The following MROH2B variants were observed in gnomAD, a reference collection of about 807,000 sequenced individuals.
The protein encoded by MROH2B is maestro heat like repeat family member 2B.
In MROH2B, 177 loss-of-function variants were observed where a neutral mutation model predicts 208.6. That is an observed-to-expected ratio of 0.85 (90% CI 0.75 to 0.96). The LOEUF (loss-of-function observed/expected upper bound fraction) is 0.96. Among genes scored for constraint, MROH2B ranks in the 40% least tolerant of loss-of-function variants. MROH2B has a pLI of 0.00. For synonymous variants in MROH2B, 728 were observed against 659.0 expected (o/e 1.10, Z -1.60); for missense variants, 2,002 against 1,878.7 (o/e 1.07, Z -1.21).
chr5:41,019,916 T>C (rs13154853), intron 24 of MROH2B, among the ~76,000 whole-genome samples: 105,566 of 152,046 alleles, frequency 0.69, 37,121 homozygotes, highest in Non-Finnish European at 0.73. Context: ...AAAACACTGA[T>C]GGTTATATAA....
At chr5:41,045,925 T>C in intron 17 of MROH2B, 72 bp from the exon 18 acceptor site, 9 of 1,090,730 alleles carry the variant, frequency 8.3e-6, no homozygotes, top group Non-Finnish European at 1.2e-5. Context: ...TTTTGGTTAT[T>C]TTATCTTTTA....
chr5:41,018,361 CT>C lies in MROH2B; in HGVS notation c.2742del (p.Val915CysfsTer2), dbSNP rs1357585817. The C allele has an allele frequency of 6.2e-7, 1 of 1,613,094 alleles. No homozygotes were observed. The highest frequency in any genetic ancestry group is 8.5e-7 in the Non-Finnish European group (1 of 1,179,640). ...ERERAFQITA[K>X]VLTNDIEAPE... is the part of the protein sequence containing the mutation. The stretch of plus-strand genomic sequence containing the variant: ...CTTACCTCAATATCATTTGTCAGCA[CT>C]TTCGCAGTGATCTGGAAGGCTCTTT... On this transcript the variant is annotated frameshift_variant, in exon 27 of 42. Transcript: ENST00000399564. LOFTEE classifies it high-confidence loss of function.
intron 24 of MROH2B, among the ~76,000 whole-genome samples, chr5:41,023,158 G>A (rs1443502040): frequency 2.0e-5 from 3 of 152,192 alleles, no homozygotes; most frequent in Non-Finnish European, 2.9e-5. Flanking sequence ...AAGGAAAGCA[G>A]CTCCTCACAA....
At chr5:41,004,279 G>A in intron 37 of MROH2B, 67 bp downstream of exon 37, 2 of 1,534,490 alleles carry the variant, frequency 1.3e-6, no homozygotes, top group Non-Finnish European at 1.8e-6. Flanking sequence ...TCTTCTGTGA[G>A]CACTACCTAA....
chr5:41,021,820 A>G (rs1031360472), intron 24 of MROH2B, among the ~76,000 whole-genome samples: 5 of 152,102 alleles, frequency 3.3e-5, no homozygotes, highest in Non-Finnish European at 2.9e-5. Context: ...AAGGTGCAGT[A>G]AGCCGAGATT....
intron 28 of MROH2B, among the ~76,000 whole-genome samples, chr5:41,017,214 A>G (rs1741984733): frequency 6.6e-6 from 1 of 152,172 alleles, no homozygotes. Context: ...ATTAACCTGG[A>G]CAGGGAGCCC....
chr5:41,067,476 C>A lies in MROH2B; in HGVS notation c.91-258G>T, dbSNP rs770264122. ...CTGCCTCCTGGGTTCAACTGATTCT[C>A]CTGCCTCAGCCTCCCGAGTAGCCAG... On this transcript the variant is annotated intron_variant, in intron 2 of 41. Coordinates refer to ENST00000399564, the MANE Select transcript of MROH2B (RefSeq NM_173489.5). Among the ~76,000 whole-genome samples, 13 of 152,086 alleles carry A rather than the reference C, an allele frequency of 8.5e-5. 1 individual carries two copies. The highest frequency in any genetic ancestry group is 8.3e-4 in the South Asian group (4 of 4,832).
intron 2 of MROH2B, among the ~76,000 whole-genome samples, chr5:41,069,025 A>AT (rs373637256): frequency 0.037 from 5,607 of 151,350 alleles, 347 homozygotes; most frequent in African/African-American, 0.13. Flanking sequence ...GATTAGGAAC[A>AT]TTTTTTTTTG....
chr5:41,038,628 A>T, intron 21 of MROH2B, 108 bp downstream of exon 21: 1 of 1,123,118 alleles, frequency 8.9e-7, no homozygotes, highest in East Asian at 2.6e-5. Flanking sequence ...CGTGGCTGAT[A>T]AAAACATACC....
In MROH2B at chr5:41,000,675, T is replaced by TAAA. The variant is rs1741367554; in HGVS notation, c.4350+2_4350+3insTTT. ...GGTGCAGGTGTCTGTGGAGAGCACT[T>TAAA]ACAACTCCAATCTTGGGGTTGGGAT... On this transcript the variant is annotated splice_region_variant and intron_variant, in intron 38 of 41. Transcript: ENST00000399564. The TAAA allele has an allele frequency of 6.2e-7, 1 of 1,609,108 alleles. No homozygotes were observed. The highest frequency in any genetic ancestry group is 8.5e-7 in the Non-Finnish European group (1 of 1,177,680).
chr5:41,056,995 G>T (rs1743475658), intron 9 of MROH2B, 114 bp downstream of exon 9: 1 of 1,017,950 alleles, frequency 9.8e-7, no homozygotes, highest in Non-Finnish European at 1.5e-6. Context: ...GAAACAGTGT[G>T]TGTGTTTGTG....
chr5:41,070,677 T>C (rs1216433266), intron 1 of MROH2B, 148 bp downstream of exon 1: 6 of 666,040 alleles, frequency 9.0e-6, no homozygotes, highest in Admixed American at 8.7e-5. Flanking sequence ...GATTTTATTA[T>C]GTATTTAGCA....
chr5:41,051,686 C>T (rs1199965245), intron 12 of MROH2B: 6 of 152,172 alleles, frequency 3.9e-5, no homozygotes. Flanking sequence ...TAGTCCCTTC[C>T]ACTAGGTAAG....
rs1483700856 is a variant in MROH2B at position 41,017,904 on chromosome 5, G to A, written c.2830C>T (p.Pro944Ser). ...LLAPHSCDTLPTIRQAAASST... is the reference protein window; with the variant it reads ...LLAPHSCDTLSTIRQAAASST... Reference sequence around the variant, plus strand: ...CTAGCAGCCGCCTGACGGATGGTGGGCAGGGTATCACAGGAGTGAGGAGCC... The same window carrying A: ...CTAGCAGCCGCCTGACGGATGGTGGACAGGGTATCACAGGAGTGAGGAGCC... The change falls in exon 28 of 42, where the codon CCC (proline) becomes TCC (serine). Residue 944 changes from proline (P) to serine (S), a missense_variant. Coordinates refer to ENST00000399564, the MANE Select transcript of MROH2B (RefSeq NM_173489.5). 1.9e-6 allele frequency: 3 copies of A among 1,589,032 alleles called. No homozygotes were observed. Among genetic ancestry groups the A allele is most frequent in the African/African-American group, 2.7e-5 (2 of 74,596 alleles).
At chr5:41,017,276 T>C (rs115911714) in intron 28 of MROH2B, among the ~76,000 whole-genome samples, 1,841 of 152,292 alleles carry the variant, frequency 0.012, 29 homozygotes, top group South Asian at 0.045. Flanking sequence ...TAATATTTTG[T>C]GGTATTGACA....
At chr5:41,053,690 A>G (rs1162096497) in intron 11 of MROH2B, among the ~76,000 whole-genome samples, 1 of 152,128 alleles carries the variant, frequency 6.6e-6, no homozygotes, top group Non-Finnish European at 1.5e-5. Context: ...CCTTCCTCAA[A>G]GATCTATGCT....
At position 41,045,753 on chromosome 5, in the gene MROH2B, G is replaced by C. The variant is rs769327133; in HGVS notation, c.1829C>G (p.Thr610Ser). 7 of 1,613,122 alleles carry C rather than the reference G, an allele frequency of 4.3e-6. No homozygotes were observed. Among genetic ancestry groups the C allele is most frequent in the South Asian group, 3.3e-5 (3 of 91,058 alleles). The change falls in exon 18 of 42, where the codon ACT (threonine) becomes AGT (serine). Residue 610 changes from threonine to serine, a missense_variant. By Grantham distance (58) the Thr-to-Ser change is moderately conservative (BLOSUM62 1). Transcript: ENST00000399564. ...QQMGSYSNNSTEKKFLWKALG... is the reference protein window; with the variant it reads ...QQMGSYSNNSSEKKFLWKALG... Reference sequence around the variant, plus strand: ...CTCAGCTGAAAAACCAACCTTCTCAGTGGAGTTATTGCTGTAACTGCCCAT... The same window carrying C: ...CTCAGCTGAAAAACCAACCTTCTCACTGGAGTTATTGCTGTAACTGCCCAT...
chr5:41,010,581 T>C (rs1741743074), intron 30 of MROH2B, among the ~76,000 whole-genome samples: 1 of 152,162 alleles, frequency 6.6e-6, no homozygotes, highest in South Asian at 2.1e-4. Context: ...AGGGCATCCT[T>C]GTCAGAAAGA....
chr5:41,005,904 T>G (rs2329436), intron 34 of MROH2B, among the ~76,000 whole-genome samples: 130,149 of 151,638 alleles, frequency 0.86, 55,987 homozygotes, highest in Admixed American at 0.9. Flanking sequence ...GGTGGTGTGC[T>G]CCTGTAGTCC....
Sources: gnomAD v4.1 joint callset for allele counts (sites outside exome capture counted in the v4.1 genomes callset) on GRCh38, gnomAD v4.1.1 for gene constraint, MANE v1.5 for transcripts, NCBI Gene and HGNC (gene_info 2026-07-23, HGNC 2026-07-21) for gene names.